Variants in WWP2 observed in about 807,000 individuals in gnomAD.
WWP2 encodes the protein NEDD4-like E3 ubiquitin-protein ligase WWP2.
A neutral mutation model predicts 121.0 loss-of-function variants in WWP2; 57 were observed. That is an observed-to-expected ratio of 0.47 (90% CI 0.38 to 0.59). The LOEUF (loss-of-function observed/expected upper bound fraction) is 0.59. WWP2 is among the 20% of genes least tolerant of loss of function. The pLI is 0.00. For missense variants in WWP2, 962 were observed against 1,158.9 expected (o/e 0.83, Z 2.47); for synonymous variants, 449 against 441.3 (o/e 1.02, Z -0.22).
chr16:69,843,866 C>CA (rs1415335989), intron 6 of WWP2, among the ~76,000 whole-genome samples: 1 of 151,706 alleles, frequency 6.6e-6, no homozygotes, highest in Non-Finnish European at 1.5e-5. Context: ...GTAAAAAAAA[C>CA]AAAAAAACAA....
chr16:69,777,857 A>G (rs2055569296), intron 1 of WWP2, among the ~76,000 whole-genome samples: 1 of 150,546 alleles, frequency 6.6e-6, no homozygotes, highest in African/African-American at 2.4e-5. Context: ...GCCTGAGCTC[A>G]AGAGTTCCAG....
At chr16:69,825,645 A>G (rs1457811403) in intron 4 of WWP2, among the ~76,000 whole-genome samples, 26 of 127,504 alleles carry the variant, frequency 2.0e-4, no homozygotes, top group African/African-American at 6.3e-4. Context: ...TTTTTTTTGG[A>G]TACAGGGTTT....
At chr16:69,811,092 G>GA in intron 4 of WWP2, among the ~76,000 whole-genome samples, 1 of 152,206 alleles carries the variant, frequency 6.6e-6, no homozygotes, top group Middle Eastern at 3.4e-3. Context: ...GCAGCTTCAA[G>GA]ACTTATCAGC....
intron 6 of WWP2, among the ~76,000 whole-genome samples, chr16:69,864,102 G>A (rs1193500328): frequency 1.3e-5 from 2 of 152,082 alleles, no homozygotes; most frequent in African/African-American, 4.8e-5. Context: ...GGTGGCTCAT[G>A]CCTGTAATCC....
At chr16:69,879,136 G>A (rs994893023) in intron 7 of WWP2, among the ~76,000 whole-genome samples, 11 of 151,858 alleles carry the variant, frequency 7.2e-5, no homozygotes, top group East Asian at 1.9e-4. Flanking sequence ...TTGTCCTTCC[G>A]AGATTTAGAA....
intron 2 of WWP2, among the ~76,000 whole-genome samples, chr16:69,796,511 C>T (rs754247670): frequency 1.2e-4 from 19 of 152,204 alleles, no homozygotes; most frequent in South Asian, 2.1e-4. Context: ...GGCTCACTGC[C>T]GCTGCCCAGT....
intron 16 of WWP2, among the ~76,000 whole-genome samples, chr16:69,932,766 A>G (rs1184860253): frequency 2.0e-5 from 3 of 152,152 alleles, no homozygotes; most frequent in Admixed American, 6.5e-5. Flanking sequence ...AAAGAGTCCA[A>G]AGCATTGTCT....
intron 6 of WWP2, among the ~76,000 whole-genome samples, chr16:69,851,437 A>G (rs905316458): frequency 6.6e-6 from 1 of 152,150 alleles, no homozygotes; most frequent in Non-Finnish European, 1.5e-5. Context: ...ATCATAGAGT[A>G]TATAGCCTTG....
Position 69,939,447 on chromosome 16 carries a change from G to T in WWP2, c.2513+34G>T, listed in dbSNP as rs201053246. The T allele has an allele frequency of 7.0e-4, 1,124 of 1,610,246 alleles. 8 individuals are homozygous for T. Among genetic ancestry groups the T allele is most frequent in the South Asian group, 5.7e-3 (516 of 90,912 alleles). On this transcript the variant is annotated intron_variant, in intron 23 of 23. Transcript: ENST00000359154. ...GCTGGTTTTAGTGGGAGGTCGGGGG[G>T]CCTCAGACCCGATGAGCTCCTGGGA...
intron 6 of WWP2, among the ~76,000 whole-genome samples, chr16:69,865,481 T>C (rs1239267647): frequency 3.9e-5 from 6 of 152,172 alleles, no homozygotes; most frequent in Admixed American, 2.6e-4. Context: ...ACAAACTCTA[T>C]AAATTTAGAA....
chr16:69,819,497 T>C (rs992803072), intron 4 of WWP2, among the ~76,000 whole-genome samples: 6 of 152,296 alleles, frequency 3.9e-5, no homozygotes, highest in African/African-American at 1.4e-4. Context: ...CTTAAATCTC[T>C]CCTGAAACTG....
At chr16:69,767,813 A>G (rs1282453797) in intron 1 of WWP2, among the ~76,000 whole-genome samples, 1 of 151,514 alleles carries the variant, frequency 6.6e-6, no homozygotes, top group Admixed American at 6.6e-5. Flanking sequence ...CACATTATGG[A>G]CTCTGAAATT....
chr16:69,895,928 G>C (rs568676393), intron 8 of WWP2, among the ~76,000 whole-genome samples: 1 of 152,276 alleles, frequency 6.6e-6, no homozygotes, highest in East Asian at 1.9e-4. Context: ...AGTATGGTTA[G>C]TTTGTGACTC....
chr16:69,870,782 G>A (rs928152406), intron 6 of WWP2, among the ~76,000 whole-genome samples: 5 of 152,226 alleles, frequency 3.3e-5, no homozygotes, highest in Admixed American at 6.5e-5. Context: ...TGGTGAAACA[G>A]ATGAACCGAA....
chr16:69,919,062 T>G (rs1429613840), intron 10 of WWP2, among the ~76,000 whole-genome samples: 1 of 152,212 alleles, frequency 6.6e-6, no homozygotes, highest in Non-Finnish European at 1.5e-5. Flanking sequence ...CAGGCTGGTC[T>G]TGAACTCCTG....
At chr16:69,938,948 G>T in intron 21 of WWP2, 79 bp from the exon 22 acceptor site, 1 of 1,382,940 alleles carries the variant, frequency 7.2e-7, no homozygotes, top group South Asian at 1.2e-5. Flanking sequence ...GGGCCCCGCT[G>T]AGCTAGAGAG....
chr16:69,929,908 A>G (rs768094842), intron 12 of WWP2, among the ~76,000 whole-genome samples: 3 of 152,208 alleles, frequency 2.0e-5, no homozygotes, highest in Non-Finnish European at 2.9e-5. Context: ...GCTCAGTCCA[A>G]TGCCATCCAT....
chr16:69,804,285 AGGTGTTTATGATTTTATTTTTTCCTG>A (rs1393802008), intron 4 of WWP2, among the ~76,000 whole-genome samples: 5 of 151,902 alleles, frequency 3.3e-5, no homozygotes, highest in African/African-American at 9.7e-5. Context: ...ATTTTTTCCT[AGGTGTTTATGATTTTATTTTTTCCTG>A]GGTGTTTATG....
At position 69,840,248 on chromosome 16, in the gene WWP2, A is replaced by G; in HGVS notation, c.463A>G (p.Ser155Gly). The G allele has an allele frequency of 6.3e-7, 1 of 1,587,784 alleles. No homozygotes were observed. The highest frequency in any genetic ancestry group is 2.4e-5 in the East Asian group (1 of 42,522). Reference protein sequence around the residue: ...TVDLGNVPNGSALTDGSQLPS... With the variant: ...TVDLGNVPNGGALTDGSQLPS... Reference sequence around the variant, plus strand: ...TGATCTGGGAAATGTGCCTAATGGCAGTGCCCTGACAGATGGTGAGTGCCG... The same window carrying G: ...TGATCTGGGAAATGTGCCTAATGGCGGTGCCCTGACAGATGGTGAGTGCCG... The change falls in exon 5 of 24, where the codon AGT becomes GGT. Residue 155 changes from serine (S) to glycine (G), a missense_variant. Ser to Gly is a moderately conservative substitution (Grantham distance 56, BLOSUM62 0). Coordinates refer to ENST00000359154, the MANE Select transcript of WWP2 (RefSeq NM_001270454.2).
Sources: allele counts gnomAD v4.1 joint callset (sites outside exome capture counted in the v4.1 genomes callset), GRCh38; gene constraint gnomAD v4.1.1; transcripts MANE v1.5; gene names NCBI Gene and HGNC (gene_info 2026-07-23, HGNC 2026-07-21).